The following CNBD1 variants were observed in gnomAD, a reference collection of about 807,000 sequenced individuals.
CNBD1 encodes cyclic nucleotide-binding domain-containing protein 1.
Under a neutral mutation model 54.4 loss-of-function variants are expected in CNBD1, and 71 were observed. The observed-to-expected ratio is 1.30, with a 90% CI of 1.08 to 1.59. CNBD1 has a LOEUF of 1.59. Among genes scored for constraint, CNBD1 ranks in the 40% most tolerant of loss-of-function variants. The pLI is 0.00. For synonymous variants in CNBD1, 182 were observed against 170.7 expected (o/e 1.07, Z -0.51); for missense variants, 659 against 518.0 (o/e 1.27, Z -2.64).
At chr8:87,247,306 G>T (rs1807825817) in intron 6 of CNBD1, among the ~76,000 whole-genome samples, 1 of 152,110 alleles carries the variant, frequency 6.6e-6, no homozygotes, top group African/African-American at 2.4e-5. Flanking sequence ...CTCTTTTCTG[G>T]TTTGGAAGTA....
intron 4 of CNBD1, among the ~76,000 whole-genome samples, chr8:87,013,062 G>C (rs980670539): frequency 1.3e-5 from 2 of 152,108 alleles, no homozygotes; most frequent in Non-Finnish European, 2.9e-5. Flanking sequence ...CCTAATGTGC[G>C]GCCTCAGAGA....
At chr8:87,049,191 C>T (rs1489937234) in intron 4 of CNBD1, among the ~76,000 whole-genome samples, 2 of 152,126 alleles carry the variant, frequency 1.3e-5, no homozygotes, top group Non-Finnish European at 2.9e-5. Flanking sequence ...AGTCTATTTC[C>T]CTCAGTTATG....
chr8:86,914,408 T>C (rs909502690), intron 3 of CNBD1, among the ~76,000 whole-genome samples: 28 of 152,178 alleles, frequency 1.8e-4, no homozygotes, highest in African/African-American at 6.8e-4. Flanking sequence ...GCTGTACAGG[T>C]TTGTCGCCTA....
intron 4 of CNBD1, among the ~76,000 whole-genome samples, chr8:86,988,889 C>T (rs1808673282): frequency 6.6e-6 from 1 of 152,026 alleles, no homozygotes; most frequent in Admixed American, 6.6e-5. Context: ...TCCATTGTGT[C>T]CAGGTATCAC....
chr8:87,321,209 G>A (rs1809520478), intron 8 of CNBD1, among the ~76,000 whole-genome samples: 2 of 148,856 alleles, frequency 1.3e-5, no homozygotes, highest in African/African-American at 5.0e-5. Context: ...TAAGAATGCT[G>A]AATCACATGA....
intron 4 of CNBD1, among the ~76,000 whole-genome samples, chr8:87,125,325 C>G (rs1811969775): frequency 6.6e-6 from 1 of 151,646 alleles, no homozygotes; most frequent in Non-Finnish European, 1.5e-5. Context: ...ATACCCAAAA[C>G]AATCTTGAGC....
At position 86,903,652 on chromosome 8, in the gene CNBD1, T is replaced by C. The variant is rs556853909; in HGVS notation, c.159-1429T>C. On this transcript the variant is annotated intron_variant, in intron 2 of 10. Coordinates refer to ENST00000518476, the MANE Select transcript of CNBD1 (RefSeq NM_173538.3). ...GTATATCCTCCACTTCTTAGTTATA[T>C]GAATTAGGCAAATTATTAAGGTTGC... 8.5e-5 allele frequency among the ~76,000 whole-genome samples: 13 copies of C among 152,214 alleles called. No individual in the cohort carries two copies. In the South Asian group the frequency reaches 2.5e-3, roughly 29 times the overall value.
At chr8:86,985,732 A>G (rs1425137095) in intron 4 of CNBD1, among the ~76,000 whole-genome samples, 1 of 152,188 alleles carries the variant, frequency 6.6e-6, no homozygotes, top group Admixed American at 6.5e-5. Flanking sequence ...GGTTTGCTAG[A>G]TTGAATGGTA....
chr8:87,355,889 A>T (rs183909974), intron 10 of CNBD1, among the ~76,000 whole-genome samples: 18 of 152,182 alleles, frequency 1.2e-4, no homozygotes, highest in Non-Finnish European at 1.8e-4. Flanking sequence ...AAGGAGATGG[A>T]TCCTTTATGA....
At chr8:87,378,046 G>T (rs1286705694) in intron 10 of CNBD1, among the ~76,000 whole-genome samples, 3 of 140,156 alleles carry the variant, frequency 2.1e-5, no homozygotes, top group African/African-American at 5.4e-5. Flanking sequence ...GTAGATTCTG[G>T]ATATTAGCCC....
intron 1 of CNBD1, among the ~76,000 whole-genome samples, chr8:86,867,090 CTTAT>C (rs1446088045): frequency 1.3e-5 from 2 of 151,714 alleles, no homozygotes; most frequent in Non-Finnish European, 2.9e-5. Flanking sequence ...TCTAGTCTTA[CTTAT>C]AAGAATTAAG....
At chr8:87,216,760 A>G (rs1814220545) in intron 5 of CNBD1, among the ~76,000 whole-genome samples, 3 of 152,274 alleles carry the variant, frequency 2.0e-5, no homozygotes, top group South Asian at 2.1e-4. Context: ...ACCCTTTTCC[A>G]TGAATTACAT....
intron 4 of CNBD1, among the ~76,000 whole-genome samples, chr8:87,055,593 T>A (rs1482379437): frequency 6.6e-6 from 1 of 152,184 alleles, no homozygotes; most frequent in African/African-American, 2.4e-5. Flanking sequence ...ACATCTGCAG[T>A]CTGAGTTTTC....
At chr8:87,165,043 G>T (rs1196018917) in intron 4 of CNBD1, among the ~76,000 whole-genome samples, 1 of 150,746 alleles carries the variant, frequency 6.6e-6, no homozygotes, top group Non-Finnish European at 1.5e-5. Context: ...CCCATTGGTT[G>T]TTCAGGAGTG....
intron 5 of CNBD1, among the ~76,000 whole-genome samples, chr8:87,210,782 A>G (rs1814080371): frequency 6.6e-6 from 1 of 152,210 alleles, no homozygotes; most frequent in Non-Finnish European, 1.5e-5. Context: ...AGCCTGCTAC[A>G]GGAGTAGAGC....
intron 4 of CNBD1, among the ~76,000 whole-genome samples, chr8:87,046,042 T>TAAAA (rs58214390): frequency 1.5e-4 from 11 of 71,578 alleles, no homozygotes; most frequent in African/African-American, 2.7e-4. Flanking sequence ...CTTCCTCTCA[T>TAAAA]AAAAAAAAAA....
intron 4 of CNBD1, among the ~76,000 whole-genome samples, chr8:87,158,740 T>C (rs1488383404): frequency 1.3e-5 from 2 of 152,102 alleles, no homozygotes; most frequent in Admixed American, 6.6e-5. Flanking sequence ...TTACACTGAG[T>C]CCACTGCTTA....
intron 2 of CNBD1, among the ~76,000 whole-genome samples, chr8:87,394,252 G>A (rs141406767): frequency 3.3e-3 from 504 of 151,928 alleles, no homozygotes; most frequent in Non-Finnish European, 4.1e-3. Flanking sequence ...AATGCAAAGC[G>A]TTGCTAAATA....
chr8:87,377,961 G>A lies in CNBD1; in HGVS notation c.1304-4659G>A, dbSNP rs1347780866. ...CTGCATAAATGTCTTCTTTTGAGAA[G>A]TGTCTGTTCATGTCCTTTGCCCACT... On this transcript the variant is annotated intron_variant, in intron 10 of 10. Transcript: ENST00000518476. Among the ~76,000 whole-genome samples the A allele has an allele frequency of 2.1e-5, 3 of 144,004 alleles. No individual in the cohort carries two copies. The Admixed American group carries it at 2.1e-4, about 10-fold the overall frequency. 94.5% of individuals were successfully genotyped at this position (144,004 alleles called of 152,430 possible).
Sources: gnomAD v4.1 joint callset for allele counts (sites outside exome capture counted in the v4.1 genomes callset) on GRCh38, gnomAD v4.1.1 for gene constraint, MANE v1.5 for transcripts, NCBI Gene and HGNC (gene_info 2026-07-23, HGNC 2026-07-21) for gene names.